The following SLCO1B1 variants were observed in gnomAD, a reference collection of about 807,000 sequenced individuals.
SLCO1B1 encodes OATP-2.
A neutral mutation model predicts 70.1 loss-of-function variants in SLCO1B1; 81 were observed. The ratio of observed to expected loss-of-function variants is 1.16; its 90% CI spans 0.97 to 1.39. The LOEUF is 1.39. Among genes scored for constraint, SLCO1B1 ranks in the 40% most tolerant of loss-of-function variants. SLCO1B1 has a pLI of 0.00. For missense variants in SLCO1B1, 895 were observed against 799.6 expected, an observed-to-expected ratio of 1.12 and a Z score of -1.44; for synonymous variants, 283 against 271.5, an observed-to-expected ratio of 1.04 and a Z score of -0.42.
intron 2 of SLCO1B1, among the ~76,000 whole-genome samples, chr12:21,159,997 T>G (rs887951822): frequency 6.6e-6 from 1 of 150,898 alleles, no homozygotes; most frequent in Admixed American, 6.6e-5. Flanking sequence ...GAGAAAAACA[T>G]GCTTATAGAT....
intron 1 of SLCO1B1, among the ~76,000 whole-genome samples, chr12:21,134,041 A>T (rs1030507633): frequency 2.6e-5 from 4 of 152,178 alleles, no homozygotes; most frequent in African/African-American, 9.7e-5. Flanking sequence ...TTTTAGCATG[A>T]AGGGTTGTTG....
At chr12:21,209,329 A>G (rs2121162108) in intron 11 of SLCO1B1, among the ~76,000 whole-genome samples, 1 of 152,002 alleles carries the variant, frequency 6.6e-6, no homozygotes, top group Non-Finnish European at 1.5e-5. Flanking sequence ...TGTTCTTGCA[A>G]CAGTTTACTG....
intron 14 of SLCO1B1, among the ~76,000 whole-genome samples, chr12:21,230,582 G>A (rs11045883): frequency 0.2 from 30,649 of 151,692 alleles, 3,404 homozygotes; most frequent in East Asian, 0.45. Flanking sequence ...CGCCCACCTC[G>A]GCCTCTCAAA....
At chr12:21,145,160 C>A (rs1441788554) in intron 2 of SLCO1B1, among the ~76,000 whole-genome samples, 4 of 152,262 alleles carry the variant, frequency 2.6e-5, no homozygotes, top group South Asian at 4.2e-4. Context: ...TTGTTGTCTT[C>A]ATGACTCATG....
chr12:21,176,457 A>G (rs1940822545), intron 4 of SLCO1B1, among the ~76,000 whole-genome samples: 2 of 152,096 alleles, frequency 1.3e-5, no homozygotes, highest in African/African-American at 2.4e-5. Context: ...ATGGTTACAC[A>G]CAATTAATAA....
chr12:21,220,830 AG>A (rs1019208466), intron 12 of SLCO1B1, among the ~76,000 whole-genome samples: 5 of 150,446 alleles, frequency 3.3e-5, no homozygotes, highest in Admixed American at 6.6e-5. Context: ...AAAAAAAAAA[AG>A]AAAAGAAAAC....
chr12:21,214,960 G>C (rs1000850365), intron 11 of SLCO1B1, among the ~76,000 whole-genome samples: 1 of 151,860 alleles, frequency 6.6e-6, no homozygotes, highest in Non-Finnish European at 1.5e-5. Context: ...TGCGCCCACT[G>C]TCTGGCACTC....
chr12:21,153,114 AG>A (rs138895619), intron 2 of SLCO1B1, among the ~76,000 whole-genome samples: 1,855 of 152,232 alleles, frequency 0.012, 48 homozygotes, highest in African/African-American at 0.042. Context: ...CCAATCTTGA[AG>A]GCAGTCGATT....
intron 14 of SLCO1B1, among the ~76,000 whole-genome samples, chr12:21,231,226 A>G (rs1046339047): frequency 1.3e-5 from 2 of 151,998 alleles, no homozygotes; most frequent in South Asian, 2.1e-4. Context: ...TCTATCACTG[A>G]TGGACATTTG....
chr12:21,170,635 TTTA>T (rs1244989359), intron 2 of SLCO1B1, among the ~76,000 whole-genome samples: 2 of 152,248 alleles, frequency 1.3e-5, no homozygotes, highest in Non-Finnish European at 2.9e-5. Context: ...TTTCTCCTGT[TTTA>T]TTATTCCCAT....
chr12:21,145,031 C>T (rs1157640135), intron 2 of SLCO1B1, among the ~76,000 whole-genome samples: 1 of 152,098 alleles, frequency 6.6e-6, no homozygotes, highest in Non-Finnish European at 1.5e-5. Context: ...CAGCTAACAA[C>T]ACTATGACAG....
intron 12 of SLCO1B1, among the ~76,000 whole-genome samples, chr12:21,219,309 A>T (rs1029483459): frequency 6.6e-6 from 1 of 152,200 alleles, no homozygotes; most frequent in Non-Finnish European, 1.5e-5. Flanking sequence ...ATAAAGGTAC[A>T]AGCCATGCTA....
chr12:21,221,647 CAT>C (rs1162403173), intron 12 of SLCO1B1, among the ~76,000 whole-genome samples: 5 of 152,046 alleles, frequency 3.3e-5, no homozygotes, highest in African/African-American at 1.2e-4. Flanking sequence ...AAACAACAAA[CAT>C]ATGACAAAAT....
intron 14 of SLCO1B1, among the ~76,000 whole-genome samples, chr12:21,233,661 G>C (rs1319567069): frequency 6.6e-6 from 1 of 152,104 alleles, no homozygotes; most frequent in Non-Finnish European, 1.5e-5. Context: ...AACCAACTGG[G>C]AGAAGAAAGG....
At chr12:21,176,987 TTTAA>T (rs1940829337) in intron 5 of SLCO1B1, 90 bp downstream of exon 5, 9 of 982,348 alleles carry the variant, frequency 9.2e-6, no homozygotes, top group African/African-American at 4.8e-5. Context: ...ATTAGCAAAA[TTTAA>T]TTAAGAATGA....
At chr12:21,132,122 T>C (rs932212613) in intron 1 of SLCO1B1, among the ~76,000 whole-genome samples, 1 of 152,198 alleles carries the variant, frequency 6.6e-6, no homozygotes, top group African/African-American at 2.4e-5. Flanking sequence ...TTGTTGAGAA[T>C]GATGGTTTCC....
At chr12:21,204,950 T>C (rs947220823) in intron 10 of SLCO1B1, among the ~76,000 whole-genome samples, 2 of 151,890 alleles carry the variant, frequency 1.3e-5, no homozygotes, top group Non-Finnish European at 2.9e-5. Flanking sequence ...ATCTATGAAT[T>C]TGGGGGCCAC....
At chr12:21,131,346 C>T (rs1044696203) in intron 1 of SLCO1B1, 110 bp downstream of exon 1, 5 of 152,012 alleles carry the variant, frequency 3.3e-5, no homozygotes, top group African/African-American at 1.2e-4. Flanking sequence ...TGCTCTGTGT[C>T]TTCCACACGC....
intron 2 of SLCO1B1, among the ~76,000 whole-genome samples, chr12:21,149,801 C>T (rs945221968): frequency 9.9e-5 from 15 of 152,120 alleles, no homozygotes; most frequent in African/African-American, 3.6e-4. Flanking sequence ...GAGATAGCTG[C>T]AGGATTTTCT....
Sources: allele counts gnomAD v4.1 joint callset (sites outside exome capture counted in the v4.1 genomes callset), GRCh38; gene constraint gnomAD v4.1.1; transcripts MANE v1.5; gene names NCBI Gene and HGNC (gene_info 2026-07-23, HGNC 2026-07-21).